Variants in TMLHE observed in about 807,000 individuals in gnomAD.
TMLHE encodes the protein trimethyllysine hydroxylase, epsilon.
TMLHE carries 18 observed loss-of-function variants against 25.7 expected under a neutral mutation model. That is an observed-to-expected ratio of 0.70 (90% CI 0.48 to 1.04). The LOEUF is 1.04. TMLHE is among the 50% of genes least tolerant of loss of function. The pLI is 0.00. For synonymous variants in TMLHE, 105 were observed against 97.0 expected (o/e 1.08, Z -0.49); for missense variants, 236 against 259.0 (o/e 0.91, Z 0.61).
rs190586544 is a variant in TMLHE, at chrX:155,553,084, T to C, written c.-1-7807A>G. 1.3e-3 allele frequency among the ~76,000 whole-genome samples: 146 copies of C among 110,676 alleles called. 10 individuals are homozygous for C. The highest frequency in any genetic ancestry group is 4.4e-3 in the African/African-American group (135 of 30,368). On this transcript the variant is annotated intron_variant, in intron 1 of 7. Coordinates refer to ENST00000334398, the MANE Select transcript of TMLHE (RefSeq NM_018196.4). The stretch of plus-strand genomic sequence containing the variant: ...CAAAAAATACTATAATTGTTTAAAG[T>C]TTTTGAGATTTGCTTTATGGCTCAA...
intron 1 of TMLHE, among the ~76,000 whole-genome samples, chrX:155,548,267 C>G (rs782199014): frequency 6.7e-4 from 75 of 111,426 alleles, no homozygotes; most frequent in Non-Finnish European, 1.2e-3. Context: ...AATTAAAAAG[C>G]TACTGTACAT....
intron 2 of TMLHE, among the ~76,000 whole-genome samples, chrX:155,532,668 C>CGTGTGTGTGTGT (rs33944459): frequency 8.1e-5 from 7 of 86,095 alleles, no homozygotes; most frequent in Admixed American, 1.3e-4. Flanking sequence ...ATGCAAAATT[C>CGTGTGTGTGTGT]GTGTGTGTGT....
intron 1 of TMLHE, among the ~76,000 whole-genome samples, chrX:155,596,760 T>C (rs1352455828): frequency 8.9e-6 from 1 of 111,759 alleles, no homozygotes; most frequent in Non-Finnish European, 1.9e-5. Flanking sequence ...TCCCCAATCT[T>C]TTGGCGCCTC....
intron 2 of TMLHE, among the ~76,000 whole-genome samples, chrX:155,530,708 A>C (rs1463726747): frequency 8.9e-6 from 1 of 112,397 alleles, no homozygotes; most frequent in Non-Finnish European, 1.9e-5. Flanking sequence ...TTAAAAAGGA[A>C]GCATTTATTT....
intron 1 of TMLHE, among the ~76,000 whole-genome samples, chrX:155,582,656 A>G (rs1203309830): frequency 8.9e-6 from 1 of 112,228 alleles, no homozygotes; most frequent in African/African-American, 3.2e-5. Flanking sequence ...GGCGATCATT[A>G]AAAAGTCAGG....
In TMLHE at chrX:155,569,012, A is replaced by C. The variant is rs1429943345; in HGVS notation, c.-1-23735T>G. The stretch of plus-strand genomic sequence containing the variant: ...ATGACTTTGACGAGTTGAGAGAAGA[A>C]GGCTTCAGATGATCAAACTACTCTG... On this transcript the variant is annotated intron_variant, in intron 1 of 7. Transcript: ENST00000334398. 6.5e-5 allele frequency among the ~76,000 whole-genome samples: 4 copies of C among 61,365 alleles called. 1 individual carries two copies. The highest frequency in any genetic ancestry group is 1.3e-4 in the Non-Finnish European group (3 of 22,303). The allele number at this position is 61,365 out of a possible 115,157, so 53.3% of individuals were successfully genotyped here. A position where few individuals can be genotyped will look rare whatever the true frequency, so the allele number is the denominator to read the frequency against.
chrX:155,510,008 A>C (rs962046382), intron 5 of TMLHE, among the ~76,000 whole-genome samples: 1 of 111,388 alleles, frequency 9.0e-6, no homozygotes, highest in Admixed American at 9.6e-5. Context: ...CTTGTAAATC[A>C]GATTCAAATT....
chrX:155,547,369 C>T lies in TMLHE; in HGVS notation c.-1-2092G>A, dbSNP rs781853674. On this transcript the variant is annotated intron_variant, in intron 1 of 7. Transcript: ENST00000334398. ...CCGTGTTAGCCAGGATGGTCTCGAT[C>T]TCCTGACCTCGTGATCCGCCGCCTC... 3.0e-4 allele frequency among the ~76,000 whole-genome samples: 33 copies of T among 110,285 alleles called. 1 individual carries two copies. The South Asian group carries it at 5.5e-3, about 18-fold the overall frequency.
chrX:155,556,418 C>T (rs1190611046), intron 1 of TMLHE, among the ~76,000 whole-genome samples: 6 of 110,436 alleles, frequency 5.4e-5, no homozygotes, highest in Admixed American at 1.9e-4. Context: ...GGACAGAGTA[C>T]GAAAGAGAGA....
rs2067547682 is a variant in TMLHE at position 155,571,233 on chromosome X, G to C, written c.-1-25956C>G. 3.5e-5 allele frequency among the ~76,000 whole-genome samples: 2 copies of C among 57,178 alleles called. 1 individual carries two copies. The highest frequency in any genetic ancestry group is 9.1e-5 in the Non-Finnish European group (2 of 22,006). The allele number at this position is 57,178 out of a possible 115,157, so 49.7% of individuals were successfully genotyped here. ...CTACACAAATAAACTAGAAAATCTA[G>C]AAGAAATGGATACATTCCTTGACAC... On this transcript the variant is annotated intron_variant, in intron 1 of 7. Transcript: ENST00000334398.
chrX:155,574,527 T>C (rs1179074156), intron 1 of TMLHE, among the ~76,000 whole-genome samples: 1 of 112,177 alleles, frequency 8.9e-6, no homozygotes, highest in Non-Finnish European at 1.9e-5. Context: ...AGAGGTAATA[T>C]TGTCTAAAAC....
intron 1 of TMLHE, among the ~76,000 whole-genome samples, chrX:155,589,789 T>A (rs2067684996): frequency 8.9e-6 from 1 of 111,932 alleles, no homozygotes; most frequent in African/African-American, 3.2e-5. Context: ...GGACTTGAAA[T>A]GTTACCAACA....
At chrX:155,544,731 T>C (rs926074326) in intron 2 of TMLHE, among the ~76,000 whole-genome samples, 2 of 111,214 alleles carry the variant, frequency 1.8e-5, no homozygotes, top group Non-Finnish European at 3.8e-5. Flanking sequence ...TATTTTTTTT[T>C]CCCTTAGGTA....
In TMLHE at chrX:155,571,943, C is replaced by T. The variant is rs1473961960; in HGVS notation, c.-1-26666G>A. ...CTGGCACAAGACAGGGATGCCCTCT[C>T]TCACCACTCCTATTCAACATAGTGT... On this transcript the variant is annotated intron_variant, in intron 1 of 7. Transcript: ENST00000334398. Among the ~76,000 whole-genome samples, 4 of 54,713 alleles carry T rather than the reference C, an allele frequency of 7.3e-5. 2 individuals carry two copies. The highest frequency in any genetic ancestry group is 1.9e-4 in the Non-Finnish European group (4 of 21,257). 47.5% of individuals were successfully genotyped at this position (54,713 alleles called of 115,157 possible). A position where few individuals can be genotyped will look rare whatever the true frequency, so the allele number is the denominator to read the frequency against.
At chrX:155,581,328 A>G (rs1345420975) in intron 1 of TMLHE, among the ~76,000 whole-genome samples, 1 of 111,736 alleles carries the variant, frequency 8.9e-6, no homozygotes, top group Non-Finnish European at 1.9e-5. Flanking sequence ...GGCCAGGGCA[A>G]TCAGGCAGGA....
chrX:155,608,476 C>T (rs1403404193), intron 1 of TMLHE, among the ~76,000 whole-genome samples: 3 of 111,931 alleles, frequency 2.7e-5, no homozygotes, highest in Non-Finnish European at 5.6e-5. Flanking sequence ...CTAGGCAATA[C>T]CATTCTAGAC....
intron 1 of TMLHE, among the ~76,000 whole-genome samples, chrX:155,560,119 C>G (rs782152236): frequency 8.9e-6 from 1 of 112,032 alleles, no homozygotes; most frequent in Non-Finnish European, 1.9e-5. Context: ...TGAGCCATCT[C>G]TTTACAATTG....
chrX:155,612,941 A>C lies in TMLHE; in HGVS notation c.-151T>G, dbSNP rs942242701. Reference sequence around the variant, plus strand: ...CCCCTCCCCCAGCCCGCTCGGGCCCAGCGGAGAGCCTGTAGGCCCCGCCCC... The same window carrying C: ...CCCCTCCCCCAGCCCGCTCGGGCCCCGCGGAGAGCCTGTAGGCCCCGCCCC... On this transcript the variant is annotated 5_prime_UTR_variant, in exon 1 of 8. Transcript: ENST00000334398. 6.2e-5 allele frequency: 7 copies of C among 112,167 alleles called. No homozygotes were observed. The highest frequency in any genetic ancestry group is 1.1e-4 in the Non-Finnish European group (6 of 53,137). 9.2% of individuals were successfully genotyped at this position (112,167 alleles called of 1,213,427 possible).
rs200809248 is a variant in TMLHE, at chrX:155,588,638, TA to T, written c.-2+24153del. On this transcript the variant is annotated intron_variant, in intron 1 of 7. Transcript: ENST00000334398. Reference sequence around the variant, plus strand: ...AGAAGGAACTCAAAGAACTCAACAATAAAAAAAAAAATCCCGTTAAAAAGTG... The same window carrying T: ...AGAAGGAACTCAAAGAACTCAACAATAAAAAAAAAATCCCGTTAAAAAGTG... 4.0e-3 allele frequency among the ~76,000 whole-genome samples: 408 copies of T among 102,771 alleles called. 1 individual carries two copies. Among genetic ancestry groups the T allele is most frequent in the Non-Finnish European group, 6.2e-3 (309 of 49,884 alleles). The allele number at this position is 102,771 out of a possible 115,157, so 89.2% of individuals were successfully genotyped here. A position where few individuals can be genotyped will look rare whatever the true frequency, so the allele number is the denominator to read the frequency against.
Sources: allele counts gnomAD v4.1 joint callset (sites outside exome capture counted in the v4.1 genomes callset), GRCh38; gene constraint gnomAD v4.1.1; transcripts MANE v1.5; gene names NCBI Gene and HGNC (gene_info 2026-07-23, HGNC 2026-07-21).